The following MCTP2 variants were observed in gnomAD, a reference collection of about 807,000 sequenced individuals.
MCTP2 encodes the protein multiple C2 and transmembrane domain containing 2.
A neutral mutation model predicts 111.6 loss-of-function variants in MCTP2; 132 were observed. The observed-to-expected ratio is 1.18, with a 90% CI of 1.03 to 1.37. The LOEUF is 1.37. MCTP2 is among the 40% of genes most tolerant of loss of function. The pLI is 0.00. For synonymous variants in MCTP2, 395 were observed against 387.7 expected (o/e 1.02, Z -0.22); for missense variants, 1,183 against 1,067.9 (o/e 1.11, Z -1.50).
intron 8 of MCTP2, among the ~76,000 whole-genome samples, chr15:94,352,822 A>G (rs1439071050): frequency 1.3e-5 from 2 of 152,238 alleles, no homozygotes; most frequent in African/African-American, 2.4e-5. Context: ...TCTGCAAGAA[A>G]GCACACAATA....
At chr15:94,453,112 C>T (rs923848470) in intron 19 of MCTP2, among the ~76,000 whole-genome samples, 1 of 152,158 alleles carries the variant, frequency 6.6e-6, no homozygotes, top group Non-Finnish European at 1.5e-5. Flanking sequence ...CATTTTTAAA[C>T]TATTGTATTT....
intron 1 of MCTP2, among the ~76,000 whole-genome samples, chr15:94,243,283 A>G (rs2071215220): frequency 6.7e-6 from 1 of 149,218 alleles, no homozygotes; most frequent in South Asian, 2.1e-4. Context: ...GTACATACGT[A>G]TGCGTATATG....
intron 12 of MCTP2, among the ~76,000 whole-genome samples, chr15:94,380,410 G>T (rs1457490777): frequency 6.6e-6 from 1 of 152,118 alleles, no homozygotes; most frequent in Non-Finnish European, 1.5e-5. Context: ...TTGCTTAGGT[G>T]GTCATTGTAT....
intron 8 of MCTP2, among the ~76,000 whole-genome samples, chr15:94,355,312 G>A (rs116633749): frequency 1.1e-3 from 173 of 152,250 alleles, no homozygotes; most frequent in African/African-American, 4.0e-3. Flanking sequence ...CAGTGAATCT[G>A]GTAATTAAGT....
rs1472241275 is a variant in MCTP2 at position 94,340,905 on chromosome 15, A to G, written c.950A>G (p.Gln317Arg). The G allele has an allele frequency of 6.2e-7, 1 of 1,609,274 alleles. No individual in the cohort carries two copies. ...TTAAATTTGAACCTAGTGGTAAAAC[A>G]GGGTGATTTCAAGAGACACGTAAGT... The part of the protein sequence containing the change: ...IVLNLNLVVK[Q>R]GDFKRHRWSN... Residue 317 changes from glutamine to arginine, a missense_variant, in exon 7 of 23, where the codon CAG becomes CGG. By Grantham distance (43) the Gln-to-Arg change is conservative (BLOSUM62 1). Coordinates refer to ENST00000357742, the MANE Select transcript of MCTP2 (RefSeq NM_001385001.1).
chr15:94,404,602 G>A (rs182315279), intron 17 of MCTP2, among the ~76,000 whole-genome samples: 18 of 151,950 alleles, frequency 1.2e-4, no homozygotes, highest in South Asian at 4.2e-4. Context: ...CCTGGCCTCC[G>A]TTTCATCTTC....
intron 17 of MCTP2, among the ~76,000 whole-genome samples, chr15:94,427,727 A>G (rs2082962987): frequency 6.6e-6 from 1 of 152,206 alleles, no homozygotes; most frequent in African/African-American, 2.4e-5. Flanking sequence ...CCTGAAAGAC[A>G]TGAAGCAGTA....
At chr15:94,384,753 TAA>T in intron 13 of MCTP2, among the ~76,000 whole-genome samples, 1 of 152,288 alleles carries the variant, frequency 6.6e-6, no homozygotes, top group South Asian at 2.1e-4. Context: ...AGTGAAAAAA[TAA>T]AGTTCATTTT....
intron 19 of MCTP2, among the ~76,000 whole-genome samples, chr15:94,450,089 C>T (rs1226639615): frequency 1.3e-5 from 2 of 151,742 alleles, no homozygotes; most frequent in Non-Finnish European, 2.9e-5. Context: ...TTATTTGATA[C>T]TAGATGATAT....
intron 17 of MCTP2, among the ~76,000 whole-genome samples, chr15:94,409,125 G>T (rs1405360924): frequency 6.6e-6 from 1 of 152,162 alleles, no homozygotes; most frequent in African/African-American, 2.4e-5. Flanking sequence ...GCTGGGAAAG[G>T]CAGACCCACC....
chr15:94,399,036 T>C lies in MCTP2; in HGVS notation c.1864T>C (p.Leu622=), dbSNP rs773982575. 3.3e-6 allele frequency: 5 copies of C among 1,527,478 alleles called. No homozygotes were observed. In the South Asian group the frequency reaches 5.6e-5, roughly 17 times the overall value. 94.6% of individuals were successfully genotyped at this position (1,527,478 alleles called of 1,614,324 possible). ...LEQAFKGVIY[L]EMDLIYNPVK... Reference sequence around the variant, plus strand: ...ACAAGCTTTTAAAGGAGTTATTTACTTAGAGATGGACCTTATATATAATCC... The same window carrying C: ...ACAAGCTTTTAAAGGAGTTATTTACCTAGAGATGGACCTTATATATAATCC... Residue 622 remains leucine (L), a synonymous_variant, in exon 15 of 23, where the codon TTA becomes CTA. Coordinates refer to ENST00000357742, the MANE Select transcript of MCTP2 (RefSeq NM_001385001.1).
At chr15:94,244,870 C>G (rs988247628) in intron 1 of MCTP2, among the ~76,000 whole-genome samples, 41 of 141,630 alleles carry the variant, frequency 2.9e-4, no homozygotes, top group African/African-American at 1.0e-3. Flanking sequence ...ACATATGCAC[C>G]TATGTTTATA....
At chr15:94,385,231 G>A (rs2080388722) in intron 13 of MCTP2, among the ~76,000 whole-genome samples, 192 bp from the exon 14 acceptor site, 2 of 152,090 alleles carry the variant, frequency 1.3e-5, no homozygotes, top group Admixed American at 1.3e-4. Flanking sequence ...TTTTCATATG[G>A]ATGTCTGAAT....
chr15:94,344,707 G>A (rs1018804856), intron 7 of MCTP2, among the ~76,000 whole-genome samples: 8 of 152,044 alleles, frequency 5.3e-5, no homozygotes, highest in Non-Finnish European at 8.8e-5. Context: ...TTTTTTTCTA[G>A]CATCTAAAAC....
intron 1 of MCTP2, among the ~76,000 whole-genome samples, chr15:94,239,108 T>G (rs2070761077): frequency 6.6e-6 from 1 of 152,194 alleles, no homozygotes; most frequent in South Asian, 2.1e-4. Context: ...TAATGCTTAC[T>G]TTTTTTAAGG....
intron 20 of MCTP2, among the ~76,000 whole-genome samples, chr15:94,462,074 G>C (rs1421146295): frequency 1.3e-5 from 2 of 152,160 alleles, no homozygotes; most frequent in Non-Finnish European, 2.9e-5. Flanking sequence ...TCATTTCCCT[G>C]GGAAGAAGAG....
chr15:94,330,065 A>G (rs189115159), intron 4 of MCTP2, among the ~76,000 whole-genome samples: 4 of 152,308 alleles, frequency 2.6e-5, no homozygotes, highest in Admixed American at 6.5e-5. Context: ...TGTTTTTTCT[A>G]TGCCTGGCTT....
rs2074686427 is a variant in MCTP2, at chr15:94,480,778, A to G, written c.*1744A>G. On this transcript the variant is annotated 3_prime_UTR_variant, in exon 23 of 23. Transcript: ENST00000357742. ...CAAAATAACCCCTTATTTATTTAAA[A>G]GTGGAACCAATACTTTATTGTTGTT... The G allele has an allele frequency of 6.6e-6, 1 of 152,218 alleles. No homozygotes were observed. Among genetic ancestry groups the G allele is most frequent in the Non-Finnish European group, 1.5e-5 (1 of 68,042 alleles). 9.4% of individuals were successfully genotyped at this position (152,218 alleles called of 1,614,324 possible).
At chr15:94,244,334 A>G (rs2071536517) in intron 1 of MCTP2, among the ~76,000 whole-genome samples, 2 of 149,278 alleles carry the variant, frequency 1.3e-5, no homozygotes, top group Admixed American at 1.3e-4. Context: ...ACATGTATAT[A>G]TACACGTATA....
Sources: gnomAD v4.1 joint callset for allele counts (sites outside exome capture counted in the v4.1 genomes callset) on GRCh38, gnomAD v4.1.1 for gene constraint, MANE v1.5 for transcripts, NCBI Gene and HGNC (gene_info 2026-07-23, HGNC 2026-07-21) for gene names.